DLGAP2: variants seen among roughly 807,000 people sequenced by gnomAD.
DLGAP2 encodes the protein DLG associated protein 2.
DLGAP2 carries 26 observed loss-of-function variants against 100.3 expected under a neutral mutation model. That is an observed-to-expected ratio of 0.26 (90% confidence interval 0.19 to 0.36). The LOEUF is 0.36. Ranked by LOEUF, DLGAP2 falls within the 10% of genes least tolerant of loss-of-function variation. The probability of loss-of-function intolerance (pLI) is 1.00; values close to 1 mark genes in which losing one functional copy is unlikely to be tolerated. For synonymous variants in DLGAP2, 886 were observed against 630.1 expected (o/e 1.41, Z -6.08); for missense variants, 1,858 against 1,453.2 (o/e 1.28, Z -4.53).
intron 3 of DLGAP2, among the ~76,000 whole-genome samples, chr8:1,347,811 T>C (rs1801601710): frequency 6.6e-6 from 1 of 151,738 alleles, no homozygotes; most frequent in Non-Finnish European, 1.5e-5. Flanking sequence ...TATACAGAGC[T>C]ACATTGCACT....
chr8:1,527,883 A>C lies in DLGAP2; in HGVS notation c.173-20743A>C, dbSNP rs143570980. On this transcript the variant is annotated intron_variant, in intron 4 of 14. Coordinates refer to ENST00000637795, the MANE Select transcript of DLGAP2 (RefSeq NM_001346810.2). ...TTTCTGTTTGAAAAAAAAAATACAC[A>C]GCTCATCTTTATGTTCAACTATGCT... Among the ~76,000 whole-genome samples the C allele has an allele frequency of 8.7e-4, 132 of 152,272 alleles. 1 individual carries two copies. The East Asian group carries it at 0.012, about 14-fold the overall frequency.
intron 2 of DLGAP2, among the ~76,000 whole-genome samples, chr8:1,091,354 T>C (rs1369122121): frequency 6.6e-6 from 1 of 152,224 alleles, no homozygotes; most frequent in Non-Finnish European, 1.5e-5. Context: ...GAGCATTGGG[T>C]TGGCGAAGGA....
At chr8:1,415,322 T>C (rs1291876430) in intron 3 of DLGAP2, among the ~76,000 whole-genome samples, 1 of 152,202 alleles carries the variant, frequency 6.6e-6, no homozygotes, top group East Asian at 1.9e-4. Flanking sequence ...TTTTTTCAAC[T>C]TTTATTTTAG....
chr8:1,079,455 G>C (rs1803728027), intron 2 of DLGAP2, among the ~76,000 whole-genome samples: 1 of 152,164 alleles, frequency 6.6e-6, no homozygotes, highest in African/African-American at 2.4e-5. Context: ...ATTAAAGTCA[G>C]ATTAGCAGCC....
intron 2 of DLGAP2, among the ~76,000 whole-genome samples, chr8:908,181 G>A (rs897296132): frequency 6.6e-6 from 1 of 152,148 alleles, no homozygotes; most frequent in African/African-American, 2.4e-5. Flanking sequence ...GTTTTTATTT[G>A]ACAGAGGAAA....
chr8:1,640,491 T>A (rs1585022832), intron 8 of DLGAP2, among the ~76,000 whole-genome samples: 1 of 152,216 alleles, frequency 6.6e-6, no homozygotes, highest in Non-Finnish European at 1.5e-5. Context: ...TCTGAACGTC[T>A]TCCCAGCCGC....
intron 2 of DLGAP2, among the ~76,000 whole-genome samples, chr8:1,057,694 T>C (rs961116034): frequency 2.6e-5 from 4 of 152,358 alleles, no homozygotes; most frequent in Admixed American, 2.6e-4. Flanking sequence ...TAGATTTGTT[T>C]GCGAACAGCT....
intron 2 of DLGAP2, among the ~76,000 whole-genome samples, chr8:919,419 G>T (rs1798662131): frequency 6.6e-6 from 1 of 152,170 alleles, no homozygotes; most frequent in African/African-American, 2.4e-5. Context: ...CGTGAGTGGG[G>T]AAGGGAAGCT....
chr8:1,214,069 G>C (rs1430994582), intron 2 of DLGAP2, among the ~76,000 whole-genome samples: 3 of 152,066 alleles, frequency 2.0e-5, no homozygotes, highest in Admixed American at 2.0e-4. Context: ...CCATGTGGTT[G>C]CCAGGCTCCT....
At chr8:907,179 C>T (rs886860804) in intron 1 of DLGAP2, among the ~76,000 whole-genome samples, 2 of 152,182 alleles carry the variant, frequency 1.3e-5, no homozygotes, top group African/African-American at 4.8e-5. Context: ...ATGCTGTCTT[C>T]ATGGAGGGTT....
chr8:968,770 G>A (rs780068938), intron 2 of DLGAP2, among the ~76,000 whole-genome samples: 5 of 152,158 alleles, frequency 3.3e-5, no homozygotes, highest in Admixed American at 6.5e-5. Flanking sequence ...CTCACCTCAC[G>A]TCTTCAGTAG....
At chr8:829,892 C>A (rs995317192) in intron 1 of DLGAP2, among the ~76,000 whole-genome samples, 2 of 152,136 alleles carry the variant, frequency 1.3e-5, no homozygotes, top group Admixed American at 1.3e-4. Context: ...CCATTACATG[C>A]GCACACCTCA....
At chr8:1,219,084 C>T (rs1461260354) in intron 2 of DLGAP2, among the ~76,000 whole-genome samples, 1 of 152,160 alleles carries the variant, frequency 6.6e-6, no homozygotes, top group African/African-American at 2.4e-5. Context: ...AGTTTGACTT[C>T]TTCTCTTTCT....
At chr8:1,641,965 TCGACCCCGCCGGTCCC>T (rs1563275407) in intron 8 of DLGAP2, among the ~76,000 whole-genome samples, 8 of 85,976 alleles carry the variant, frequency 9.3e-5, no homozygotes, top group African/African-American at 1.5e-4. Context: ...TGTGTCACCC[TCGACCCCGCCGGTCCC>T]CACCTGTGTC....
At chr8:1,427,306 C>T (rs561221751) in intron 3 of DLGAP2, among the ~76,000 whole-genome samples, 7 of 152,254 alleles carry the variant, frequency 4.6e-5, no homozygotes, top group Admixed American at 1.3e-4. Context: ...AACACAACGA[C>T]AAATGTAATA....
intron 2 of DLGAP2, among the ~76,000 whole-genome samples, chr8:931,370 G>C (rs1408767959): frequency 2.0e-5 from 3 of 152,266 alleles, no homozygotes; most frequent in Non-Finnish European, 4.4e-5. Flanking sequence ...GAGAACAAGA[G>C]CGCTCTGCCT....
intron 3 of DLGAP2, among the ~76,000 whole-genome samples, chr8:1,308,265 T>C (rs1800537440): frequency 6.6e-6 from 1 of 152,196 alleles, no homozygotes; most frequent in Admixed American, 6.5e-5. Flanking sequence ...TCTGTCAACA[T>C]ACTAGCTTGA....
At chr8:1,383,278 T>C (rs1260837030) in intron 3 of DLGAP2, among the ~76,000 whole-genome samples, 2 of 152,222 alleles carry the variant, frequency 1.3e-5, no homozygotes, top group African/African-American at 4.8e-5. Flanking sequence ...TTGGAGAATA[T>C]GTTACAGTAT....
At chr8:1,085,438 T>C (rs914171859) in intron 2 of DLGAP2, among the ~76,000 whole-genome samples, 2 of 152,212 alleles carry the variant, frequency 1.3e-5, no homozygotes, top group Non-Finnish European at 2.9e-5. Context: ...CCCAGACCAA[T>C]ATTATGTAGT....
Sources: gnomAD v4.1 joint callset for allele counts (sites outside exome capture counted in the v4.1 genomes callset) on GRCh38, gnomAD v4.1.1 for gene constraint, MANE v1.5 for transcripts, NCBI Gene and HGNC (gene_info 2026-07-23, HGNC 2026-07-21) for gene names.